FEZ1: variants seen among roughly 807,000 people sequenced by gnomAD.
The protein encoded by FEZ1 is fasciculation and elongation protein zeta-1.
A neutral mutation model predicts 49.3 loss-of-function variants in FEZ1; 20 were observed. The ratio of observed to expected loss-of-function variants is 0.41; its 90% CI spans 0.29 to 0.59. The LOEUF is 0.59. Ranked by LOEUF, FEZ1 falls within the 20% of genes least tolerant of loss-of-function variation. The pLI is 0.36. For synonymous variants in FEZ1, 170 were observed against 180.9 expected, an observed-to-expected ratio of 0.94 and a Z score of 0.48; for missense variants, 413 against 476.0, an observed-to-expected ratio of 0.87 and a Z score of 1.23.
intron 3 of FEZ1, among the ~76,000 whole-genome samples, chr11:125,466,775 T>A (rs1015730424): frequency 1.3e-5 from 2 of 152,230 alleles, no homozygotes; most frequent in Non-Finnish European, 2.9e-5. Flanking sequence ...TTCTGAATGA[T>A]GATTAAAATT....
intron 3 of FEZ1, among the ~76,000 whole-genome samples, chr11:125,464,728 G>A (rs199558757): frequency 6.6e-6 from 1 of 151,550 alleles, no homozygotes; most frequent in East Asian, 1.9e-4. Context: ...CATTAAAAAA[G>A]AAAAAAAAAA....
At chr11:125,494,743 C>T (rs910848680) in intron 1 of FEZ1, among the ~76,000 whole-genome samples, 2 of 152,270 alleles carry the variant, frequency 1.3e-5, no homozygotes, top group African/African-American at 4.8e-5. Context: ...CAGTAGGAAA[C>T]GCATAAACGT....
At chr11:125,446,824 C>T (rs893885850) in intron 9 of FEZ1, among the ~76,000 whole-genome samples, 2 of 151,274 alleles carry the variant, frequency 1.3e-5, no homozygotes, top group Non-Finnish European at 2.9e-5. Context: ...ACTACAGGCG[C>T]GCACCACTAC....
chr11:125,493,645 C>T (rs1258133523), intron 1 of FEZ1, among the ~76,000 whole-genome samples: 1 of 152,196 alleles, frequency 6.6e-6, no homozygotes, highest in African/African-American at 2.4e-5. Flanking sequence ...AACAAGAGAA[C>T]TATTGCTGAA....
chr11:125,480,568 A>G (rs374985604), intron 3 of FEZ1, among the ~76,000 whole-genome samples: 1 of 152,220 alleles, frequency 6.6e-6, no homozygotes. Flanking sequence ...TTTGAACCCA[A>G]GAGAAGCCCA....
At chr11:125,494,526 C>T (rs1957438106) in intron 1 of FEZ1, among the ~76,000 whole-genome samples, 1 of 152,200 alleles carries the variant, frequency 6.6e-6, no homozygotes, top group Non-Finnish European at 1.5e-5. Flanking sequence ...TCCCTTTAGA[C>T]TTCCAAGATC....
At chr11:125,494,468 G>A (rs915903105) in intron 1 of FEZ1, among the ~76,000 whole-genome samples, 5 of 152,132 alleles carry the variant, frequency 3.3e-5, no homozygotes, top group African/African-American at 1.2e-4. Flanking sequence ...TAGCTCATCT[G>A]GGAGCCTTCT....
chr11:125,491,794 T>G (rs531354230), intron 1 of FEZ1, among the ~76,000 whole-genome samples: 1 of 152,330 alleles, frequency 6.6e-6, no homozygotes, highest in African/African-American at 2.4e-5. Flanking sequence ...TAAAACATAT[T>G]TGGAGCATTT....
chr11:125,495,357 G>A lies in FEZ1; in HGVS notation c.-46+764C>T. On this transcript the variant is annotated intron_variant, in intron 1 of 9. Coordinates refer to ENST00000278919, the MANE Select transcript of FEZ1 (RefSeq NM_005103.5). The surrounding 1 kb of genome is among the most constrained non-coding windows in gnomAD (Gnocchi z 4.2). ...CCTAGCGGCGAGGAGAGAAGGGATA[G>A]GCAAAAGGGAAGAAGAGCGGGCTGT... 2.1e-6 allele frequency: 1 copy of A among 470,304 alleles called. No individual in the cohort carries two copies. Among genetic ancestry groups the A allele is most frequent in the South Asian group, 1.6e-5 (1 of 64,436 alleles). The allele number at this position is 470,304 out of a possible 1,614,324, so 29.1% of individuals were successfully genotyped here.
intron 6 of FEZ1, among the ~76,000 whole-genome samples, chr11:125,454,742 G>A (rs996668578): frequency 3.9e-5 from 6 of 152,074 alleles, no homozygotes; most frequent in Non-Finnish European, 8.8e-5. Context: ...GTGGCTGGGC[G>A]CAGTGGCTCA....
rs1376362659 is a variant in FEZ1 at position 125,453,948 on chromosome 11, AAG to A, written c.1020+180_1020+181del. The stretch of plus-strand genomic sequence containing the variant: ...GAGCTCAAAAAAAAAAAAAAAAAAA[AAG>A]TTTGCCTTTTAAAAAGATATTCTCT... On this transcript the variant is annotated intron_variant, in intron 7 of 9. Transcript: ENST00000278919. The A allele has an allele frequency of 1.9e-5, 8 of 430,876 alleles. No individual in the cohort carries two copies. In the South Asian group the frequency reaches 3.2e-4, roughly 17 times the overall value. 26.7% of individuals were successfully genotyped at this position (430,876 alleles called of 1,614,324 possible).
chr11:125,458,591 A>AC (rs984547150), intron 5 of FEZ1, among the ~76,000 whole-genome samples: 4 of 151,898 alleles, frequency 2.6e-5, no homozygotes, highest in Non-Finnish European at 4.4e-5. Context: ...CCTCTCCCCC[A>AC]CCTCCCTTTT....
intron 1 of FEZ1, among the ~76,000 whole-genome samples, chr11:125,494,942 C>A (rs1957443013): frequency 6.6e-6 from 1 of 152,184 alleles, no homozygotes; most frequent in African/African-American, 2.4e-5. Flanking sequence ...GTCCATAGAT[C>A]AACTGATTCC....
intron 7 of FEZ1, chr11:125,453,291 A>G (rs1465787540): frequency 6.6e-6 from 1 of 152,162 alleles, no homozygotes; most frequent in Non-Finnish European, 1.5e-5. Context: ...TTTGCCACTG[A>G]CAGTGTGTGT....
intron 1 of FEZ1, among the ~76,000 whole-genome samples, chr11:125,493,463 AAGGAAAGAAG>A (rs1565307111): frequency 3.1e-4 from 23 of 74,188 alleles, no homozygotes; most frequent in Admixed American, 5.2e-4. Context: ...AGAAGGAAAG[AAGGAAAGAAG>A]GAAAGAAGGA....
Position 125,454,158 on chromosome 11 carries a change from G to C in FEZ1, c.992C>G (p.Thr331Ser). 6.2e-7 allele frequency: 1 copy of C among 1,613,558 alleles called. No homozygotes were observed. Among genetic ancestry groups the C allele is most frequent in the Non-Finnish European group, 8.5e-7 (1 of 1,179,764 alleles). Reference protein sequence around the residue: ...SNILQSGIRQTFGSSGTDKQY... With the variant: ...SNILQSGIRQSFGSSGTDKQY... Reference sequence around the variant, plus strand: ...TTTGTCAGTTCCTGAGGAGCCAAAGGTCTGGCGGATGCCACTCTGCAGAAT... The same window carrying C: ...TTTGTCAGTTCCTGAGGAGCCAAAGCTCTGGCGGATGCCACTCTGCAGAAT... Residue 331 changes from threonine (T) to serine (S), a missense_variant, in exon 7 of 10, where the codon ACC (threonine) becomes AGC (serine). Physicochemically the swap from Thr to Ser is moderately conservative, Grantham distance 58. Coordinates refer to ENST00000278919, the MANE Select transcript of FEZ1 (RefSeq NM_005103.5).
At chr11:125,483,613 T>C (rs187105150) in intron 2 of FEZ1, among the ~76,000 whole-genome samples, 2 of 152,340 alleles carry the variant, frequency 1.3e-5, no homozygotes, top group Admixed American at 1.3e-4. Flanking sequence ...CCACACCCGC[T>C]GGAAAGGTCA....
intron 3 of FEZ1, among the ~76,000 whole-genome samples, chr11:125,480,362 G>T (rs1409326968): frequency 6.6e-6 from 1 of 152,132 alleles, no homozygotes; most frequent in Non-Finnish European, 1.5e-5. Flanking sequence ...CTCCAGCCTA[G>T]GCGACACAGT....
At chr11:125,456,768 C>CT (rs1957014697) in intron 5 of FEZ1, among the ~76,000 whole-genome samples, 1 of 152,172 alleles carries the variant, frequency 6.6e-6, no homozygotes, top group Non-Finnish European at 1.5e-5. Context: ...AAGAAGTCTC[C>CT]TAAGACTTCT....
Sources: allele counts gnomAD v4.1 joint callset (sites outside exome capture counted in the v4.1 genomes callset), GRCh38; gene constraint gnomAD v4.1.1; non-coding constraint Gnocchi (gnomAD v3.1); transcripts MANE v1.5; gene names NCBI Gene and HGNC (gene_info 2026-07-23, HGNC 2026-07-21).